Variants in FANCD2OS observed in about 807,000 individuals in gnomAD.
The protein encoded by FANCD2OS is FANCD2 opposite strand protein.
In FANCD2OS, 11 loss-of-function variants were observed where a neutral mutation model predicts 13.2. That is an observed-to-expected ratio of 0.83 (90% CI 0.52 to 1.38). The LOEUF (loss-of-function observed/expected upper bound fraction) is 1.38, where lower values mean the gene tolerates loss of function less well. Among genes scored for constraint, FANCD2OS ranks in the 40% most tolerant of loss-of-function variants. The probability of loss-of-function intolerance (pLI) is 0.00; values close to 1 mark genes in which losing one functional copy is unlikely to be tolerated. For missense variants in FANCD2OS, 217 were observed against 213.9 expected (o/e 1.01, Z -0.09); for synonymous variants, 69 against 84.5 (o/e 0.82, Z 1.01).
intron 2 of FANCD2OS, chr3:10,093,412 C>A (rs1694768355): frequency 8.8e-7 from 1 of 1,138,970 alleles, no homozygotes; most frequent in Non-Finnish European, 1.3e-6. Flanking sequence ...TGCTCAATTT[C>A]TTGCCCACAA....
At chr3:10,087,281 C>CTTTTTT (rs371321981) in intron 2 of FANCD2OS, 68 of 1,310,964 alleles carry the variant, frequency 5.2e-5, no homozygotes, top group South Asian at 2.5e-4. Flanking sequence ...GGCCTAGATC[C>CTTTTTT]TTTTTTTTTT....
At chr3:10,084,135 A>G (rs1247721386) in intron 2 of FANCD2OS, among the ~76,000 whole-genome samples, 3 of 151,616 alleles carry the variant, frequency 2.0e-5, no homozygotes, top group Admixed American at 2.0e-4. Flanking sequence ...CTGAGATTAC[A>G]TGCGCCTGCC....
At chr3:10,096,570 A>G in intron 2 of FANCD2OS, 1 of 1,118,268 alleles carries the variant, frequency 8.9e-7, no homozygotes, top group Non-Finnish European at 1.4e-6. Flanking sequence ...CTCGTCTCTC[A>G]GTAAGGCTAC....
At chr3:10,093,348 T>G (rs980380565) in intron 2 of FANCD2OS, 3 of 1,581,262 alleles carry the variant, frequency 1.9e-6, no homozygotes, top group Non-Finnish European at 2.6e-6. Flanking sequence ...GGGCCCTGTT[T>G]CATATTTATT....
At chr3:10,095,157 A>G (rs1328798197) in intron 2 of FANCD2OS, 1 of 1,515,614 alleles carries the variant, frequency 6.6e-7, no homozygotes, top group East Asian at 2.3e-5. Context: ...CTAAAATGAA[A>G]TCAGGACATT....
At chr3:10,102,438 C>T (rs538381116), downstream of FANCD2OS, among the ~76,000 whole-genome samples, 2 of 152,038 alleles carry the variant, frequency 1.3e-5, no homozygotes, top group East Asian at 1.9e-4. Context: ...CCACCATGCC[C>T]GGCCAACTTC....
chr3:10,095,293 T>G lies in FANCD2OS; in HGVS notation c.*43+8905A>C. On this transcript the variant is annotated intron_variant, in intron 2 of 2. Transcript: ENST00000524279. Reference sequence around the variant, plus strand: ...TTCCAAGGTAAGAAGGGGAGCAGGTTCTATCAGCAGCCTGCCTGTTGGCTT... The same window carrying G: ...TTCCAAGGTAAGAAGGGGAGCAGGTGCTATCAGCAGCCTGCCTGTTGGCTT... 1.9e-6 allele frequency: 3 copies of G among 1,608,662 alleles called. 1 individual carries two copies. In the South Asian group the frequency reaches 3.3e-5, roughly 18 times the overall value.
rs761561035 is a variant in FANCD2OS at position 10,104,425 on chromosome 3, G to A, written c.350C>T (p.Thr117Ile). The A allele has an allele frequency of 6.8e-6, 11 of 1,614,206 alleles. No individual in the cohort carries two copies. The South Asian group carries it at 1.1e-4, about 16-fold the overall frequency. ...GGCTGACTTGTCTGAAACTCTGAAA[G>A]TCCCGGTCCACTTTGGTGGCTGAGC... ...ITAQPPKWTG[T>I]FRVSDKSAFC... Residue 117 changes from threonine to isoleucine, a missense_variant, in exon 2 of 2, where the codon ACT becomes ATT. Transcript: ENST00000450660.
At chr3:10,084,563 G>A (rs1028155671) in intron 2 of FANCD2OS, among the ~76,000 whole-genome samples, 2 of 152,262 alleles carry the variant, frequency 1.3e-5, no homozygotes, top group Admixed American at 6.5e-5. Flanking sequence ...GCCTCCCAAA[G>A]TGCTGGCATT....
At position 10,105,313 on chromosome 3, in the gene FANCD2OS, A is replaced by T. The variant is rs549972652; in HGVS notation, c.-8-531T>A. Among the ~76,000 whole-genome samples, 112 of 152,348 alleles carry T rather than the reference A, an allele frequency of 7.4e-4. 1 individual carries two copies. In the South Asian group the frequency reaches 0.018, roughly 25 times the overall value. The stretch of plus-strand genomic sequence containing the variant: ...GAGGCAATGGATTTGTCTGAAATGA[A>T]TATAGGTCCACTGTTAGGACCTATG... On this transcript the variant is annotated intron_variant, in intron 1 of 1. Transcript: ENST00000450660.
At chr3:10,095,904 C>T (rs981410683) in intron 2 of FANCD2OS, among the ~76,000 whole-genome samples, 4 of 123,708 alleles carry the variant, frequency 3.2e-5, no homozygotes, top group African/African-American at 1.0e-4. Flanking sequence ...TTTTTTGAGA[C>T]GGAGTCTCGC....
At chr3:10,103,363 C>A (rs1480699210), downstream of FANCD2OS, among the ~76,000 whole-genome samples, 1 of 152,132 alleles carries the variant, frequency 6.6e-6, no homozygotes, top group African/African-American at 2.4e-5. Flanking sequence ...GATGGCGCCA[C>A]TGCACTCCAG....
At chr3:10,101,551 A>C (rs1020514783), downstream of FANCD2OS, 3 of 421,982 alleles carry the variant, frequency 7.1e-6, no homozygotes, top group African/African-American at 6.0e-5. Context: ...ATGCCCAGCT[A>C]ATTTTTGTAT....
chr3:10,088,387 T>C (rs1300380243), intron 2 of FANCD2OS: 18 of 1,027,462 alleles, frequency 1.8e-5, no homozygotes, highest in Middle Eastern at 2.1e-4. Flanking sequence ...CTCAAAAACC[T>C]GAAAAGCAAG....
At chr3:10,083,384 A>T in intron 2 of FANCD2OS, among the ~76,000 whole-genome samples, 1 of 152,186 alleles carries the variant, frequency 6.6e-6, no homozygotes, top group Admixed American at 6.5e-5. Flanking sequence ...AGCACAACAC[A>T]CTCACTAGCA....
At chr3:10,102,238 G>C (rs1695332356), downstream of FANCD2OS, among the ~76,000 whole-genome samples, 1 of 150,302 alleles carries the variant, frequency 6.7e-6, no homozygotes, top group Admixed American at 6.7e-5. Flanking sequence ...CCACCTCCCA[G>C]GTTCAAACAA....
Position 10,085,766 on chromosome 3 carries a change from A to G in FANCD2OS, c.*44-4235T>C, listed in dbSNP as rs1280210181. On this transcript the variant is annotated intron_variant, in intron 2 of 2. Coordinates refer to the FANCD2OS transcript ENST00000524279. ...CAGGATCCTTAAATACTATCCAAGTAGTTTTCCAGAAACTAAGCTAACCCC... is the reference window on the plus strand; with the variant it reads ...CAGGATCCTTAAATACTATCCAAGTGGTTTTCCAGAAACTAAGCTAACCCC... 3 of 1,178,248 alleles carry G rather than the reference A, an allele frequency of 2.5e-6. No individual in the cohort carries two copies. The South Asian group carries it at 3.6e-5, about 14-fold the overall frequency. 73.0% of individuals were successfully genotyped at this position (1,178,248 alleles called of 1,614,324 possible).
chr3:10,097,187 C>T (rs1036833799), intron 2 of FANCD2OS, among the ~76,000 whole-genome samples: 10 of 152,076 alleles, frequency 6.6e-5, no homozygotes, highest in Admixed American at 5.9e-4. Flanking sequence ...ATCACATGAC[C>T]GCAGGACCGA....
At chr3:10,101,316 T>C (rs1695286191), downstream of FANCD2OS, 2 of 1,343,396 alleles carry the variant, frequency 1.5e-6, no homozygotes, top group South Asian at 1.2e-5. Context: ...GTGATCATTT[T>C]GTGTTAGAGT....
Sources: allele counts gnomAD v4.1 joint callset (sites outside exome capture counted in the v4.1 genomes callset), GRCh38; gene constraint gnomAD v4.1.1; transcripts MANE v1.5; gene names NCBI Gene and HGNC (gene_info 2026-07-23, HGNC 2026-07-21).